Variants in ZNF44 observed in about 807,000 individuals in gnomAD.
ZNF44 encodes the protein zinc finger protein 44, also known as gonadotropin inducible transcription repressor-2.
ZNF44 carries 9 observed loss-of-function variants against 11.7 expected under a neutral mutation model. That is an observed-to-expected ratio of 0.77 (90% CI 0.46 to 1.35). The LOEUF (loss-of-function observed/expected upper bound fraction) is 1.35, where lower values mean the gene tolerates loss of function less well. Among genes scored for constraint, ZNF44 ranks in the 40% most tolerant of loss-of-function variants. The pLI, the probability that ZNF44 is intolerant of heterozygous loss-of-function variation, is 0.00. For synonymous variants in ZNF44, 224 were observed against 242.7 expected, an observed-to-expected ratio of 0.92 and a Z score of 0.72; for missense variants, 696 against 743.1, an observed-to-expected ratio of 0.94 and a Z score of 0.74.
downstream of ZNF44, chr19:12,224,885 T>TG (rs1915853391): frequency 2.0e-5 from 3 of 151,780 alleles, no homozygotes; most frequent in South Asian, 4.2e-4. Context: ...GTGGTTATCT[T>TG]GGGGGTGACA....
rs1416617819 is a variant in ZNF44, at chr19:12,230,598, C to CAGGA, written n.381-87_381-84dup. On this transcript the variant is annotated intron_variant and non_coding_transcript_variant, in intron 2 of 3. Transcript: ENST00000597563. ...ACAACGAGTGGTGGCCAGAGACCTC[C>CAGGA]AGGATCCAGGAATTAACTCAGGACA... The CAGGA allele has an allele frequency of 2.6e-5, 4 of 152,348 alleles. No homozygotes were observed. In the East Asian group the frequency reaches 7.7e-4, roughly 29 times the overall value. The allele number at this position is 152,348 out of a possible 1,614,324, so 9.4% of individuals were successfully genotyped here.
intron 2 of ZNF44, among the ~76,000 whole-genome samples, chr19:12,275,322 A>G (rs1370040508): frequency 6.6e-6 from 1 of 152,134 alleles, no homozygotes; most frequent in Non-Finnish European, 1.5e-5. Flanking sequence ...GAGTAAATAT[A>G]GTTTTTCTTC....
At chr19:12,275,833 T>C in intron 2 of ZNF44, 123 bp downstream of exon 2, 1 of 1,286,196 alleles carries the variant, frequency 7.8e-7, no homozygotes. Flanking sequence ...GCCTGGCACT[T>C]CACCCTGTGT....
At chr19:12,268,161 C>G (rs1278932420), downstream of ZNF44, among the ~76,000 whole-genome samples, 1 of 143,534 alleles carries the variant, frequency 7.0e-6, no homozygotes, top group Non-Finnish European at 1.5e-5. Context: ...CACACACACA[C>G]ACACACACAC....
At chr19:12,247,989 T>A (rs773431250) in exon 8 of ZNF44, 1 of 1,344,662 alleles carries the variant, frequency 7.4e-7, no homozygotes, top group South Asian at 1.2e-5. Flanking sequence ...TTGAGCAGAG[T>A]TGTGATATAC....
At chr19:12,275,836 C>A in intron 2 of ZNF44, 120 bp downstream of exon 2, 4 of 1,305,726 alleles carry the variant, frequency 3.1e-6, no homozygotes, top group Non-Finnish European at 4.1e-6. Flanking sequence ...TGGCACTTCA[C>A]CCTGTGTTGT....
rs1030296704 is a variant in ZNF44 at position 12,294,839 on chromosome 19, C to T, written c.-145G>A. ...GTCACCAGGGTGAAGAGGCCACTAG[C>T]TCCTGGAACGTCACACCCTCCTCTC... On this transcript the variant is annotated 5_prime_UTR_variant, in exon 1 of 4. Transcript: ENST00000355684. The T allele has an allele frequency of 1.1e-5, 10 of 912,670 alleles. No homozygotes were observed. Among genetic ancestry groups the T allele is most frequent in the African/African-American group, 1.8e-5 (1 of 55,770 alleles). 56.5% of individuals were successfully genotyped at this position (912,670 alleles called of 1,614,324 possible).
intron 1 of ZNF44, among the ~76,000 whole-genome samples, chr19:12,280,145 G>A (rs1173019146): frequency 6.6e-6 from 1 of 152,094 alleles, no homozygotes; most frequent in Non-Finnish European, 1.5e-5. Context: ...CTTGAACCCA[G>A]GAGGCAGAGG....
intron 2 of ZNF44, 55 bp downstream of exon 2, chr19:12,275,901 G>A: frequency 6.6e-7 from 1 of 1,525,876 alleles, no homozygotes; most frequent in Non-Finnish European, 8.9e-7. Context: ...CAGCATTGAT[G>A]ACCACAAAAC....
chr19:12,239,718 C>T (rs980456501), upstream of ZNF44, among the ~76,000 whole-genome samples: 16 of 151,490 alleles, frequency 1.1e-4, no homozygotes, highest in Non-Finnish European at 2.1e-4. Context: ...AGACTACAGG[C>T]GCATGCCACC....
At chr19:12,266,375 T>C in intron 5 of ZNF44, 1 of 978,772 alleles carries the variant, frequency 1.0e-6, no homozygotes, top group South Asian at 4.7e-5. Flanking sequence ...CCCTCAGCAC[T>C]TTCAGAGAAG....
At chr19:12,227,783 C>A (rs1915982607) in intron 3 of ZNF44, among the ~76,000 whole-genome samples, 1 of 152,154 alleles carries the variant, frequency 6.6e-6, no homozygotes, top group African/African-American at 2.4e-5. Context: ...CAATAACATA[C>A]TTATACAAAT....
rs1434773285 is a variant in ZNF44, at chr19:12,283,618, C to T, written c.4-7536G>A. On this transcript the variant is annotated intron_variant, in intron 1 of 3. Coordinates refer to ENST00000355684, the MANE Select transcript of ZNF44 (RefSeq NM_016264.4). Reference sequence around the variant, plus strand: ...TGCTGGGATTACAGGCATAAGCCACCACGCCCAGCCAGAAAAAATGTTTTT... The same window carrying T: ...TGCTGGGATTACAGGCATAAGCCACTACGCCCAGCCAGAAAAAATGTTTTT... Among the ~76,000 whole-genome samples the T allele has an allele frequency of 4.6e-5, 7 of 152,192 alleles. No individual in the cohort carries two copies. The East Asian group carries it at 1.3e-3, about 29-fold the overall frequency.
intron 1 of ZNF44, chr19:12,284,510 C>T: frequency 4.4e-6 from 3 of 684,610 alleles, no homozygotes; most frequent in South Asian, 1.4e-5. Context: ...AGCTGGGCTG[C>T]CTGGTCAAGG....
chr19:12,275,906 C>T (rs1036822378), intron 2 of ZNF44, 50 bp downstream of exon 2: 1 of 1,536,106 alleles, frequency 6.5e-7, no homozygotes. Flanking sequence ...TTGATGACCA[C>T]AAAACAAATG....
chr19:12,226,419 A>T (rs765570128), exon 4 of ZNF44: 9 of 152,256 alleles, frequency 5.9e-5, no homozygotes, highest in Non-Finnish European at 1.3e-4. Context: ...ATCTGAGGCC[A>T]GCTTTCCAAG....
At chr19:12,285,832 C>T (rs1398046346) in intron 1 of ZNF44, among the ~76,000 whole-genome samples, 2 of 151,740 alleles carry the variant, frequency 1.3e-5, no homozygotes, top group Non-Finnish European at 2.9e-5. Flanking sequence ...TCCTGGAGAA[C>T]ACAATGAAAC....
At chr19:12,271,222 C>T (rs926418643), downstream of ZNF44, among the ~76,000 whole-genome samples, 1 of 152,114 alleles carries the variant, frequency 6.6e-6, no homozygotes, top group African/African-American at 2.4e-5. Context: ...TTGAAAAAAG[C>T]TTCTGTGTCA....
rs775399740 is a variant in ZNF44 at position 12,272,529 on chromosome 19, G to T, written c.1726C>A (p.Arg576=). ...GKAFSRSSFC[R]EHERTHTGEK... is the part of the protein sequence containing the mutation. ...CCAGTGTGAGTTCTTTCATGTTCTC[G>T]ACAGAAACTGGAACGACTGAAGGCT... Residue 576 remains arginine, a synonymous_variant, in exon 4 of 4, where the codon CGA becomes AGA. Coordinates refer to ENST00000355684, the MANE Select transcript of ZNF44 (RefSeq NM_016264.4). The T allele has an allele frequency of 6.2e-7, 1 of 1,613,434 alleles. No homozygotes were observed. Among genetic ancestry groups the T allele is most frequent in the Admixed American group, 1.7e-5 (1 of 59,878 alleles).
Sources: gnomAD v4.1 joint callset for allele counts (sites outside exome capture counted in the v4.1 genomes callset) on GRCh38, gnomAD v4.1.1 for gene constraint, MANE v1.5 for transcripts, NCBI Gene and HGNC (gene_info 2026-07-23, HGNC 2026-07-21) for gene names.